MAP2K5: variants seen among roughly 807,000 people sequenced by gnomAD.
MAP2K5 encodes dual specificity mitogen-activated protein kinase kinase 5.
In MAP2K5, 49 loss-of-function variants were observed where a neutral mutation model predicts 83.1. The observed-to-expected ratio is 0.59, with a 90% CI of 0.47 to 0.75. The LOEUF (loss-of-function observed/expected upper bound fraction) is 0.75. MAP2K5 is among the 30% of genes least tolerant of loss of function. The pLI, the probability that MAP2K5 is intolerant of heterozygous loss-of-function variation, is 0.00. For missense variants in MAP2K5, 457 were observed against 557.5 expected, an observed-to-expected ratio of 0.82 and a Z score of 1.82; for synonymous variants, 202 against 191.8, an observed-to-expected ratio of 1.05 and a Z score of -0.44.
chr15:67,740,202 A>G (rs1020821301), intron 17 of MAP2K5, among the ~76,000 whole-genome samples: 1 of 152,200 alleles, frequency 6.6e-6, no homozygotes, highest in Non-Finnish European at 1.5e-5. Context: ...TTTGGGTCCT[A>G]GAGTCTAGTA....
chr15:67,557,747 G>T (rs2084657399), intron 2 of MAP2K5, among the ~76,000 whole-genome samples: 1 of 152,162 alleles, frequency 6.6e-6, no homozygotes, highest in Non-Finnish European at 1.5e-5. Flanking sequence ...CTTGTGTTCA[G>T]CTAGCCATGA....
intron 8 of MAP2K5, among the ~76,000 whole-genome samples, chr15:67,617,186 A>T (rs1218486862): frequency 6.6e-6 from 1 of 152,188 alleles, no homozygotes; most frequent in East Asian, 1.9e-4. Context: ...ATGACATAGG[A>T]TATTGTCAGT....
chr15:67,637,324 T>C lies in MAP2K5; in HGVS notation c.585+6397T>C, dbSNP rs1278210543. 1.3e-5 allele frequency among the ~76,000 whole-genome samples: 2 copies of C among 152,210 alleles called. No individual in the cohort carries two copies. Among genetic ancestry groups the C allele is most frequent in the African/African-American group, 4.8e-5 (2 of 41,446 alleles). ...CCCTGACTAATACAGAGATGGTATTTAGTTACTTTTGAATAATTTGATTCT... is the reference window on the plus strand; with the variant it reads ...CCCTGACTAATACAGAGATGGTATTCAGTTACTTTTGAATAATTTGATTCT... On this transcript the variant is annotated intron_variant, in intron 9 of 21. Coordinates refer to ENST00000178640, the MANE Select transcript of MAP2K5 (RefSeq NM_145160.3). This position sits in a 1 kb window ranked among gnomAD's most constrained non-coding sequence, Gnocchi z 4.5.
chr15:67,781,845 A>G lies in MAP2K5; in HGVS notation c.1242+9093A>G, dbSNP rs2090333141. On this transcript the variant is annotated intron_variant, in intron 21 of 21. Coordinates refer to ENST00000178640, the MANE Select transcript of MAP2K5 (RefSeq NM_145160.3). This position sits in a 1 kb window ranked among gnomAD's most constrained non-coding sequence, Gnocchi z 4.0. The stretch of plus-strand genomic sequence containing the variant: ...TTTGAGGGGGAGGGGGATTCAATTA[A>G]TAGCAGGACTTTCTAATTGTGGGAT... Among the ~76,000 whole-genome samples, 1 of 152,232 alleles carries G rather than the reference A, an allele frequency of 6.6e-6. No individual in the cohort carries two copies. The highest frequency in any genetic ancestry group is 2.1e-4 in the South Asian group (1 of 4,830).
chr15:67,646,882 A>G (rs1466795226), intron 11 of MAP2K5, among the ~76,000 whole-genome samples: 2 of 152,204 alleles, frequency 1.3e-5, no homozygotes, highest in African/African-American at 2.4e-5. Context: ...TCTTAATTGC[A>G]AGATAAGAAA....
At position 67,708,272 on chromosome 15, in the gene MAP2K5, A is replaced by G. The variant is rs1004774435; in HGVS notation, c.1044+4864A>G. Among the ~76,000 whole-genome samples the G allele has an allele frequency of 6.6e-6, 1 of 151,902 alleles. No individual in the cohort carries two copies. Among genetic ancestry groups the G allele is most frequent in the African/African-American group, 2.4e-5 (1 of 41,350 alleles). On this transcript the variant is annotated intron_variant, in intron 16 of 21. Transcript: ENST00000178640. This position sits in a 1 kb window ranked among gnomAD's most constrained non-coding sequence, Gnocchi z 4.9. ...TAGGAGTTTGAGGCTGCAGTGAGCT[A>G]TGATTGCACCACCACACTCCAGCCT...
In MAP2K5 at chr15:67,768,148, C is replaced by T. The variant is rs780906298; in HGVS notation, c.1135-1454C>T. 1.9e-4 allele frequency among the ~76,000 whole-genome samples: 29 copies of T among 152,036 alleles called. No individual in the cohort carries two copies. Among genetic ancestry groups the T allele is most frequent in the Non-Finnish European group, 3.7e-4 (25 of 68,012 alleles). On this transcript the variant is annotated intron_variant, in intron 19 of 21. Transcript: ENST00000178640. This position sits in a 1 kb window ranked among gnomAD's most constrained non-coding sequence, Gnocchi z 4.0. ...TTTAATTGTATTTTCCAGCACTTTCCAATTGTTTGAATTGGAAACAAAGCC... is the reference window on the plus strand; with the variant it reads ...TTTAATTGTATTTTCCAGCACTTTCTAATTGTTTGAATTGGAAACAAAGCC...
At chr15:67,701,706 T>A (rs2088423275) in intron 15 of MAP2K5, among the ~76,000 whole-genome samples, 1 of 152,142 alleles carries the variant, frequency 6.6e-6, no homozygotes, top group African/African-American at 2.4e-5. Context: ...TAAGTGAGGA[T>A]CTCTAGCCCC....
At chr15:67,593,125 G>C in intron 7 of MAP2K5, 151 bp downstream of exon 7, 1 of 610,902 alleles carries the variant, frequency 1.6e-6, no homozygotes, top group South Asian at 2.3e-5. Flanking sequence ...AGAACAATTT[G>C]CAGCCCGTTT....
chr15:67,763,799 C>G (rs569694596), intron 19 of MAP2K5, among the ~76,000 whole-genome samples: 3 of 152,228 alleles, frequency 2.0e-5, no homozygotes, highest in East Asian at 3.9e-4. Context: ...AACACGCTAT[C>G]CTGCTGGGCA....
chr15:67,674,852 A>G (rs2087638725), intron 13 of MAP2K5, among the ~76,000 whole-genome samples: 1 of 152,198 alleles, frequency 6.6e-6, no homozygotes, highest in Non-Finnish European at 1.5e-5. Context: ...CATGAAAAAG[A>G]TGTTCAATAT....
chr15:67,681,536 A>G lies in MAP2K5; in HGVS notation c.848-10943A>G, dbSNP rs372040993. On this transcript the variant is annotated intron_variant, in intron 13 of 21. Transcript: ENST00000178640. ...AAATGACTAAATCTTTTAAAATGAA[A>G]AAAGGAGTATTGGATATTAAAAATG... Among the ~76,000 whole-genome samples, 118 of 152,354 alleles carry G rather than the reference A, an allele frequency of 7.7e-4. 3 individuals carry two copies. The South Asian group carries it at 0.017, about 22-fold the overall frequency.
intron 5 of MAP2K5, 32 bp downstream of exon 5, chr15:67,585,962 T>C (rs2085280134): frequency 3.8e-6 from 6 of 1,589,220 alleles, no homozygotes; most frequent in Non-Finnish European, 5.2e-6. Flanking sequence ...TCAGTAAAGT[T>C]AGATGGATTT....
At chr15:67,697,500 A>G (rs1409680761) in intron 15 of MAP2K5, among the ~76,000 whole-genome samples, 6 of 152,184 alleles carry the variant, frequency 3.9e-5, no homozygotes, top group Non-Finnish European at 7.3e-5. Context: ...GCCTCTCATT[A>G]TACCCATATT....
chr15:67,621,129 C>T (rs1230495254), intron 8 of MAP2K5, among the ~76,000 whole-genome samples: 1 of 151,860 alleles, frequency 6.6e-6, no homozygotes, highest in Admixed American at 6.6e-5. Context: ...AAAAACTAAT[C>T]AAAAGAATGC....
intron 7 of MAP2K5, among the ~76,000 whole-genome samples, chr15:67,593,696 A>G (rs1567297157): frequency 1.3e-5 from 2 of 152,232 alleles, no homozygotes; most frequent in African/African-American, 4.8e-5. Context: ...GCGCCTGTCC[A>G]TTGCGATCAA....
intron 8 of MAP2K5, among the ~76,000 whole-genome samples, chr15:67,625,795 G>A (rs145296215): frequency 3.0e-3 from 463 of 152,190 alleles, no homozygotes; most frequent in Non-Finnish European, 3.9e-3. Flanking sequence ...AAACTTCCAC[G>A]GATGAATTAG....
rs1639406226 is a variant in MAP2K5 at position 67,783,061 on chromosome 15, T to C, written c.1242+10309T>C. ...GCAGATTTGTATTGCAGAAGCCTTT[T>C]CTACTGTTGTGAGACATGGAGAGAA... On this transcript the variant is annotated intron_variant, in intron 21 of 21. Transcript: ENST00000178640. This position sits in a 1 kb window ranked among gnomAD's most constrained non-coding sequence, Gnocchi z 5.1. Among the ~76,000 whole-genome samples the C allele has an allele frequency of 6.6e-6, 1 of 152,234 alleles. No homozygotes were observed. Among genetic ancestry groups the C allele is most frequent in the Admixed American group, 6.5e-5 (1 of 15,292 alleles).
chr15:67,769,167 T>A lies in MAP2K5; in HGVS notation c.1135-435T>A, dbSNP rs2090096684. 6.6e-6 allele frequency among the ~76,000 whole-genome samples: 1 copy of A among 151,596 alleles called. No homozygotes were observed. The highest frequency in any genetic ancestry group is 2.4e-5 in the African/African-American group (1 of 41,294). On this transcript the variant is annotated intron_variant, in intron 19 of 21. Transcript: ENST00000178640. The surrounding 1 kb of genome is among the most constrained non-coding windows in gnomAD (Gnocchi z 5.2). Reference sequence around the variant, plus strand: ...GGGCAAACAGTAAAGAGCAGTTGAATATACAAATAAATGTAAATAAAAAGG... The same window carrying A: ...GGGCAAACAGTAAAGAGCAGTTGAAAATACAAATAAATGTAAATAAAAAGG...
Sources: allele counts gnomAD v4.1 joint callset (sites outside exome capture counted in the v4.1 genomes callset), GRCh38; gene constraint gnomAD v4.1.1; non-coding constraint Gnocchi (gnomAD v3.1); transcripts MANE v1.5; gene names NCBI Gene and HGNC (gene_info 2026-07-23, HGNC 2026-07-21).